UGT1A6: variants seen among roughly 807,000 people sequenced by gnomAD.
UGT1A6 encodes the protein UDP glucuronosyltransferase family 1 member A6.
In UGT1A6, 32 loss-of-function variants were observed where a neutral mutation model predicts 44.4. The observed-to-expected ratio is 0.72, with a 90% CI of 0.54 to 0.97. The LOEUF is 0.97. UGT1A6 is among the 50% of genes least tolerant of loss of function. The pLI is 0.00. For missense variants in UGT1A6, 685 were observed against 661.9 expected (o/e 1.03, Z -0.38); for synonymous variants, 238 against 248.5 (o/e 0.96, Z 0.40).
At chr2:233,757,560 A>ATATATATATATATATG (rs904896556) in intron 1 of UGT1A6, among the ~76,000 whole-genome samples, 35 of 123,152 alleles carry the variant, frequency 2.8e-4, no homozygotes, top group African/African-American at 1.1e-3. Context: ...ATATATATAT[A>ATATATATATATATATG]TGTATATATG....
intron 1 of UGT1A6, chr2:233,729,238 G>A: frequency 6.2e-7 from 1 of 1,614,214 alleles, no homozygotes; most frequent in Non-Finnish European, 8.5e-7. Flanking sequence ...GCCCATTGAT[G>A]GCAGCCACTG....
chr2:233,769,857 C>CA lies in UGT1A6; in HGVS notation c.1301+1435dup, dbSNP rs879204025. On this transcript the variant is annotated intron_variant, in intron 4 of 4. Coordinates refer to ENST00000305139, the MANE Select transcript of UGT1A6 (RefSeq NM_001072.4). This position sits in a 1 kb window ranked among gnomAD's most constrained non-coding sequence, Gnocchi z 4.4. ...TGGGCAACAGAGTGAGACCCTGTCT[C>CA]AAAAAAAAAAAAAAAAATGAAAAGT... The CA allele has an allele frequency of 0.16, 34,791 of 223,900 alleles. 2,719 individuals are homozygous for CA. Among genetic ancestry groups the CA allele is most frequent in the African/African-American group, 0.37 (13,208 of 35,902 alleles). 13.9% of individuals were successfully genotyped at this position (223,900 alleles called of 1,614,324 possible).
At chr2:233,758,822 C>G (rs1559405165) in intron 1 of UGT1A6, among the ~76,000 whole-genome samples, 1 of 152,138 alleles carries the variant, frequency 6.6e-6, no homozygotes, top group Admixed American at 6.5e-5. Context: ...AGTATATCCC[C>G]CCCAAAAAGA....
chr2:233,732,623 T>G (rs1263936305), intron 1 of UGT1A6, among the ~76,000 whole-genome samples: 26 of 152,192 alleles, frequency 1.7e-4, no homozygotes, highest in Admixed American at 1.7e-3. Flanking sequence ...TGTAGATGTG[T>G]GGTGTTATTT....
intron 1 of UGT1A6, among the ~76,000 whole-genome samples, chr2:233,727,284 G>C (rs1269402383): frequency 2.6e-5 from 4 of 152,162 alleles, no homozygotes; most frequent in Non-Finnish European, 5.9e-5. Flanking sequence ...GACCCTGGAA[G>C]CTGATGACTT....
chr2:233,706,733 A>G (rs2075921248), intron 1 of UGT1A6, among the ~76,000 whole-genome samples: 1 of 152,222 alleles, frequency 6.6e-6, no homozygotes, highest in African/African-American at 2.4e-5. Flanking sequence ...CAGGGTTGAC[A>G]GTGACTGTGA....
At chr2:233,753,869 G>A (rs1051497204) in intron 1 of UGT1A6, among the ~76,000 whole-genome samples, 1 of 152,142 alleles carries the variant, frequency 6.6e-6, no homozygotes, top group African/African-American at 2.4e-5. Context: ...TAACCCCAAG[G>A]TCTGTCCTCA....
chr2:233,698,282 G>GA (rs528248105), intron 1 of UGT1A6, among the ~76,000 whole-genome samples: 1 of 151,926 alleles, frequency 6.6e-6, no homozygotes, highest in Non-Finnish European at 1.5e-5. Flanking sequence ...TCAACACTAT[G>GA]AAAAAAAATG....
intron 1 of UGT1A6, chr2:233,718,851 CG>C: frequency 6.2e-7 from 1 of 1,613,708 alleles, no homozygotes; most frequent in South Asian, 1.1e-5. Context: ...TCCCCTGCCG[CG>C]GCTGGCCACA....
At chr2:233,727,955 A>G (rs2077669269) in intron 1 of UGT1A6, among the ~76,000 whole-genome samples, 2 of 152,220 alleles carry the variant, frequency 1.3e-5, no homozygotes, top group Admixed American at 6.5e-5. Flanking sequence ...GCCTGCCCAC[A>G]TCATCCTGAG....
intron 1 of UGT1A6, among the ~76,000 whole-genome samples, chr2:233,702,924 G>A (rs1214715123): frequency 2.0e-5 from 3 of 152,026 alleles, no homozygotes; most frequent in African/African-American, 7.2e-5. Context: ...ATTTTCTTGC[G>A]GAGCCTTGGT....
chr2:233,725,246 AGAG>A (rs1452958185), intron 1 of UGT1A6, among the ~76,000 whole-genome samples: 3 of 47,660 alleles, frequency 6.3e-5, no homozygotes, highest in African/African-American at 3.5e-4. Flanking sequence ...AGGCAGAGGC[AGAG>A]GAGGCAGAGG....
chr2:233,706,522 G>A (rs1218157310), intron 1 of UGT1A6, among the ~76,000 whole-genome samples: 3 of 152,204 alleles, frequency 2.0e-5, no homozygotes, highest in South Asian at 4.1e-4. Flanking sequence ...ATTTTACAGC[G>A]GCTTAGAAAC....
At chr2:233,765,421 C>T (rs1411731251) in intron 1 of UGT1A6, among the ~76,000 whole-genome samples, 1 of 152,188 alleles carries the variant, frequency 6.6e-6, no homozygotes, top group Non-Finnish European at 1.5e-5. Context: ...GAATACTATG[C>T]AGCCATAACA....
At chr2:233,759,276 T>C (rs943055975) in intron 1 of UGT1A6, among the ~76,000 whole-genome samples, 1 of 152,134 alleles carries the variant, frequency 6.6e-6, no homozygotes, top group African/African-American at 2.4e-5. Context: ...TGCATTCTGA[T>C]TGGTTGATGA....
At chr2:233,704,539 G>A (rs1188358198) in intron 1 of UGT1A6, among the ~76,000 whole-genome samples, 3 of 151,844 alleles carry the variant, frequency 2.0e-5, no homozygotes, top group Non-Finnish European at 4.4e-5. Context: ...ACAATACATG[G>A]TGATAATATT....
rs61764030 is a variant in UGT1A6, at chr2:233,729,599, C to T, written c.861+35734C>T. ...TTAACAGACCCCGTTAACCTCTGCG[C>T]GGCAGTGCTGGCTAAGTACCTGTCG... On this transcript the variant is annotated intron_variant, in intron 1 of 4. Coordinates refer to ENST00000305139, the MANE Select transcript of UGT1A6 (RefSeq NM_001072.4). The T allele has an allele frequency of 2.7e-3, 4,298 of 1,614,002 alleles. 9 individuals carry two copies. Among genetic ancestry groups the T allele is most frequent in the Admixed American group, 4.7e-3 (282 of 60,020 alleles).
intron 1 of UGT1A6, among the ~76,000 whole-genome samples, chr2:233,744,958 A>C (rs996624362): frequency 2.6e-5 from 4 of 151,980 alleles, no homozygotes; most frequent in African/African-American, 4.9e-5. Context: ...ATAACCTACC[A>C]ATATCCTTCT....
At chr2:233,739,387 C>T (rs1691076515) in intron 1 of UGT1A6, among the ~76,000 whole-genome samples, 1 of 152,204 alleles carries the variant, frequency 6.6e-6, no homozygotes, top group Non-Finnish European at 1.5e-5. Flanking sequence ...CTGGAAGAGC[C>T]ACAGACATCA....
Sources: allele counts gnomAD v4.1 joint callset (sites outside exome capture counted in the v4.1 genomes callset), GRCh38; gene constraint gnomAD v4.1.1; non-coding constraint Gnocchi (gnomAD v3.1); transcripts MANE v1.5; gene names NCBI Gene and HGNC (gene_info 2026-07-23, HGNC 2026-07-21).